The following DACH2 variants were observed in gnomAD, a reference collection of about 807,000 sequenced individuals.
DACH2 encodes dachshund homolog 2.
DACH2 carries 17 observed loss-of-function variants against 35.8 expected under a neutral mutation model. The observed-to-expected ratio is 0.48, with a 90% CI of 0.33 to 0.71. The LOEUF (loss-of-function observed/expected upper bound fraction) is 0.71, where lower values mean the gene tolerates loss of function less well. DACH2 is among the 30% of genes least tolerant of loss of function. The pLI, the probability that DACH2 is intolerant of heterozygous loss-of-function variation, is 0.02. For synonymous variants in DACH2, 195 were observed against 177.3 expected (o/e 1.10, Z -0.79); for missense variants, 469 against 472.7 (o/e 0.99, Z 0.07).
chrX:86,266,687 G>T (rs1170833904), intron 1 of DACH2, among the ~76,000 whole-genome samples: 1 of 111,094 alleles, frequency 9.0e-6, no homozygotes, highest in East Asian at 2.9e-4. Context: ...TTGTGACTTT[G>T]GGCATGTTAC....
chrX:86,306,575 T>C (rs2034693480), intron 1 of DACH2, among the ~76,000 whole-genome samples: 1 of 111,428 alleles, frequency 9.0e-6, no homozygotes, highest in Non-Finnish European at 1.9e-5. Context: ...TTCCAGGAAA[T>C]ACAAAGCAGG....
At chrX:86,214,781 G>A (rs898084877) in intron 1 of DACH2, among the ~76,000 whole-genome samples, 23 of 111,612 alleles carry the variant, frequency 2.1e-4, no homozygotes, top group African/African-American at 6.5e-4. Context: ...ACCTGGTGGT[G>A]GAACTGAATG....
At chrX:86,604,479 T>A (rs1462217576) in intron 3 of DACH2, among the ~76,000 whole-genome samples, 2 of 112,104 alleles carry the variant, frequency 1.8e-5, no homozygotes, top group African/African-American at 6.5e-5. Flanking sequence ...TAAATCTGAA[T>A]AAATTGTGAG....
intron 2 of DACH2, among the ~76,000 whole-genome samples, chrX:86,402,516 GAAATAAATGAGAAATGACAC>G (rs1344474455): frequency 9.0e-6 from 1 of 111,297 alleles, no homozygotes; most frequent in Non-Finnish European, 1.9e-5. Flanking sequence ...AGACATTGCT[GAAATAAATGAGAAATGACAC>G]AAATAAATGA....
At chrX:86,610,299 GTTTC>G (rs762415727) in intron 3 of DACH2, among the ~76,000 whole-genome samples, 269 of 110,426 alleles carry the variant, frequency 2.4e-3, no homozygotes, top group Middle Eastern at 4.7e-3. Flanking sequence ...AGACCCAAAG[GTTTC>G]TTTCTTTCTT....
intron 1 of DACH2, among the ~76,000 whole-genome samples, chrX:86,243,896 T>C (rs959653727): frequency 1.8e-5 from 2 of 112,033 alleles, no homozygotes; most frequent in African/African-American, 6.5e-5. Flanking sequence ...GCATCTGTAC[T>C]TCATCACCTT....
intron 11 of DACH2, among the ~76,000 whole-genome samples, chrX:86,818,283 A>C (rs959983441): frequency 9.0e-6 from 1 of 111,496 alleles, no homozygotes; most frequent in African/African-American, 3.2e-5. Flanking sequence ...CAATTTAATC[A>C]AAAAAATTTA....
intron 1 of DACH2, among the ~76,000 whole-genome samples, chrX:86,192,763 A>G (rs2031868318): frequency 8.9e-6 from 1 of 112,516 alleles, no homozygotes; most frequent in Non-Finnish European, 1.9e-5. Context: ...ACTGTGGGGT[A>G]ATCAAAGTGT....
intron 1 of DACH2, among the ~76,000 whole-genome samples, chrX:86,264,934 A>AT (rs2033686014): frequency 9.0e-6 from 1 of 110,918 alleles, no homozygotes; most frequent in Admixed American, 9.7e-5. Flanking sequence ...ATCCTTTATC[A>AT]TTTTTGCTGA....
intron 2 of DACH2, among the ~76,000 whole-genome samples, chrX:86,393,960 A>G (rs757393514): frequency 8.2e-4 from 88 of 107,946 alleles, no homozygotes; most frequent in African/African-American, 2.9e-3. Context: ...TATTATTATT[A>G]TTATTATTTT....
At chrX:86,195,690 T>G (rs955126094) in intron 1 of DACH2, among the ~76,000 whole-genome samples, 1 of 111,268 alleles carries the variant, frequency 9.0e-6, no homozygotes, top group Non-Finnish European at 1.9e-5. Flanking sequence ...CCCTTTGGAG[T>G]GCAGTGAGCA....
At chrX:86,779,636 G>T (rs1331714113) in intron 7 of DACH2, among the ~76,000 whole-genome samples, 2 of 111,369 alleles carry the variant, frequency 1.8e-5, no homozygotes, top group Admixed American at 9.6e-5. Context: ...AATTACAACT[G>T]CAGTAATGTG....
intron 9 of DACH2, among the ~76,000 whole-genome samples, 168 bp downstream of exon 9, chrX:86,813,445 AC>A (rs2042414778): frequency 1.1e-5 from 1 of 89,644 alleles, no homozygotes; most frequent in Non-Finnish European, 2.2e-5. Flanking sequence ...TACTAAAAAT[AC>A]AAAAAAAAAA....
chrX:86,618,497 A>G (rs1402684352), intron 3 of DACH2, among the ~76,000 whole-genome samples: 1 of 112,013 alleles, frequency 8.9e-6, no homozygotes, highest in Non-Finnish European at 1.9e-5. Context: ...TGTTCATAAT[A>G]TAGACTTATC....
intron 6 of DACH2, among the ~76,000 whole-genome samples, chrX:86,720,196 C>T (rs1198527093): frequency 5.5e-5 from 6 of 109,923 alleles, no homozygotes; most frequent in Non-Finnish European, 9.5e-5. Flanking sequence ...CTCGGCCTCC[C>T]AAAGTGCTGG....
chrX:86,714,938 T>G (rs190716223), intron 6 of DACH2, among the ~76,000 whole-genome samples: 1 of 111,910 alleles, frequency 8.9e-6, no homozygotes, highest in Admixed American at 9.5e-5. Flanking sequence ...TTAATTCTAT[T>G]TCCTGTCTTG....
rs752773672 is a variant in DACH2, at chrX:86,695,178, T to C, written c.930T>C (p.Asn310=). The change falls in exon 5 of 12, where the codon AAT becomes AAC. Residue 310 remains asparagine (N), a splice_region_variant and synonymous_variant. Coordinates refer to ENST00000373125, the MANE Select transcript of DACH2 (RefSeq NM_053281.3). ...TGCAGCAGAACCACCTGCTAACCAA[T>C]AGTATGTATACTGTCCTCACAAAAC... ...NPLQQNHLLT[N]RLDLPFMMMP... 1.6e-5 allele frequency: 17 copies of C among 1,064,503 alleles called. No homozygotes were observed. The highest frequency in any genetic ancestry group is 7.1e-5 in the East Asian group (2 of 28,083). The allele number at this position is 1,064,503 out of a possible 1,213,427, so 87.7% of individuals were successfully genotyped here. A position where few individuals can be genotyped will look rare whatever the true frequency, so the allele number is the denominator to read the frequency against.
chrX:86,619,209 C>T (rs1009198866), intron 3 of DACH2, among the ~76,000 whole-genome samples: 2 of 111,678 alleles, frequency 1.8e-5, no homozygotes, highest in Non-Finnish European at 3.8e-5. Context: ...TCCCACAACC[C>T]TACCACATAA....
At chrX:86,461,632 T>C (rs995279053) in intron 2 of DACH2, among the ~76,000 whole-genome samples, 5 of 111,453 alleles carry the variant, frequency 4.5e-5, no homozygotes, top group African/African-American at 6.5e-5. Flanking sequence ...AGACAGTTTA[T>C]TTAACAAAGT....
Sources: gnomAD v4.1 joint callset for allele counts (sites outside exome capture counted in the v4.1 genomes callset) on GRCh38, gnomAD v4.1.1 for gene constraint, MANE v1.5 for transcripts, NCBI Gene and HGNC (gene_info 2026-07-23, HGNC 2026-07-21) for gene names.